TRAPPC8: variants seen among roughly 807,000 people sequenced by gnomAD.
TRAPPC8 encodes general sporulation gene 1 homolog.
Under a neutral mutation model 174.3 loss-of-function variants are expected in TRAPPC8, and 54 were observed. The ratio of observed to expected loss-of-function variants is 0.31; its 90% CI spans 0.25 to 0.39. The LOEUF is 0.39. Ranked by LOEUF, TRAPPC8 falls within the 10% of genes least tolerant of loss-of-function variation. TRAPPC8 has a pLI of 1.00. For missense variants in TRAPPC8, 1,531 were observed against 1,699.1 expected (o/e 0.90, Z 1.74); for synonymous variants, 630 against 579.9 (o/e 1.09, Z -1.24).
intron 12 of TRAPPC8, among the ~76,000 whole-genome samples, chr18:31,885,722 G>T (rs1287821792): frequency 6.6e-6 from 1 of 151,656 alleles, no homozygotes; most frequent in African/African-American, 2.4e-5. Context: ...AATTAGCCAG[G>T]CGTGGTGCAT....
chr18:31,861,176 G>T (rs945724780), intron 19 of TRAPPC8, among the ~76,000 whole-genome samples: 11 of 152,130 alleles, frequency 7.2e-5, no homozygotes, highest in African/African-American at 2.7e-4. Context: ...TTAAATTAAG[G>T]TAAAATGTTT....
intron 2 of TRAPPC8, among the ~76,000 whole-genome samples, chr18:31,923,498 CA>C (rs1965700933): frequency 6.6e-6 from 1 of 152,020 alleles, no homozygotes; most frequent in Non-Finnish European, 1.5e-5. Flanking sequence ...ATTTCTTTAA[CA>C]GAATGAATGA....
At position 31,830,576 on chromosome 18, in the gene TRAPPC8, AATGTT is replaced by A; in HGVS notation, c.*174_*178del. ...AGGGTTTAAAGAAATACAGAAAAAGAATGTTAAGTATTCTCAGTCCAACGTGCTTT... is the reference window on the plus strand; with the variant it reads ...AGGGTTTAAAGAAATACAGAAAAAGAAAGTATTCTCAGTCCAACGTGCTTT... On this transcript the variant is annotated 3_prime_UTR_variant, in exon 29 of 29. Transcript: ENST00000283351. 1.7e-6 allele frequency: 1 copy of A among 581,712 alleles called. No individual in the cohort carries two copies. Among genetic ancestry groups the A allele is most frequent in the Non-Finnish European group, 3.0e-6 (1 of 330,392 alleles). The allele number at this position is 581,712 out of a possible 1,614,324, so 36.0% of individuals were successfully genotyped here. A position where few individuals can be genotyped will look rare whatever the true frequency, so the allele number is the denominator to read the frequency against.
chr18:31,929,399 C>G (rs886810807), intron 2 of TRAPPC8, among the ~76,000 whole-genome samples: 69 of 152,062 alleles, frequency 4.5e-4, no homozygotes, highest in Middle Eastern at 3.4e-3. Flanking sequence ...TGGTGGTGTG[C>G]AGCTATAGTC....
intron 1 of TRAPPC8, among the ~76,000 whole-genome samples, chr18:31,934,027 A>G (rs1370723220): frequency 1.3e-5 from 2 of 151,902 alleles, no homozygotes; most frequent in African/African-American, 2.4e-5. Context: ...CATCTCTACT[A>G]AAATACAAAA....
intron 27 of TRAPPC8, among the ~76,000 whole-genome samples, chr18:31,835,725 G>GT (rs1192093151): frequency 1.3e-5 from 2 of 152,142 alleles, no homozygotes; most frequent in Admixed American, 1.3e-4. Context: ...CTGCTTAGCA[G>GT]TTATTCACTC....
Position 31,908,786 on chromosome 18 carries a change from T to C in TRAPPC8, c.1090A>G (p.Ile364Val), listed in dbSNP as rs762090939. ...EFTFRGLLPH[I>V]EKTIRQLNDQ... ...TTTAATTGCCTAATTGTTTTCTCTA[T>C]ATGTGGCAAAAGGCCCCGAAATGTG... The change falls in exon 7 of 29, where the codon ATA becomes GTA. Residue 364 changes from isoleucine to valine, a missense_variant. Coordinates refer to ENST00000283351, the MANE Select transcript of TRAPPC8 (RefSeq NM_014939.5). 3.7e-5 allele frequency: 59 copies of C among 1,611,110 alleles called. No homozygotes were observed. Among genetic ancestry groups the C allele is most frequent in the Middle Eastern group, 1.6e-4 (1 of 6,068 alleles).
At chr18:31,843,121 T>C (rs920590617) in intron 26 of TRAPPC8, among the ~76,000 whole-genome samples, 8 of 152,194 alleles carry the variant, frequency 5.3e-5, no homozygotes, top group African/African-American at 1.9e-4. Context: ...TCTAAAACAC[T>C]TTACACTTAA....
chr18:31,908,256 CAGAGAGTT>C, intron 8 of TRAPPC8, 39 bp downstream of exon 8: 1 of 1,190,728 alleles, frequency 8.4e-7, no homozygotes, highest in Non-Finnish European at 1.2e-6. Context: ...AAACACTAGT[CAGAGAGTT>C]AAACAGAGGA....
intron 4 of TRAPPC8, among the ~76,000 whole-genome samples, chr18:31,914,104 C>A (rs1302460962): frequency 1.4e-5 from 2 of 146,502 alleles, no homozygotes; most frequent in Admixed American, 6.9e-5. Context: ...TGCACTCTAG[C>A]CTAGGCAACA....
rs776280514 is a variant in TRAPPC8, at chr18:31,897,795, C to T, written c.1587G>A (p.Leu529=). The T allele has an allele frequency of 1.9e-6, 3 of 1,599,394 alleles. No individual in the cohort carries two copies. Among genetic ancestry groups the T allele is most frequent in the Non-Finnish European group, 2.6e-6 (3 of 1,171,704 alleles). Residue 529 remains leucine, a synonymous_variant, in exon 11 of 29, where the codon TTG becomes TTA. Coordinates refer to ENST00000283351, the MANE Select transcript of TRAPPC8 (RefSeq NM_014939.5). ...YSEAAALLIR[L]TSEDSDLRSA... ...TACACAGTTTCAGTACCTCACTGGTCAACCGTATTAGGAGAGCTGCAGCCT... is the reference window on the plus strand; with the variant it reads ...TACACAGTTTCAGTACCTCACTGGTTAACCGTATTAGGAGAGCTGCAGCCT...
At chr18:31,839,611 T>C (rs968772590) in intron 26 of TRAPPC8, among the ~76,000 whole-genome samples, 154 bp from the exon 27 acceptor site, 1 of 152,186 alleles carries the variant, frequency 6.6e-6, no homozygotes, top group Non-Finnish European at 1.5e-5. Context: ...GCTGCTATCA[T>C]TTGCAGTGTA....
At chr18:31,910,439 T>G (rs2036857301) in intron 5 of TRAPPC8, among the ~76,000 whole-genome samples, 1 of 151,914 alleles carries the variant, frequency 6.6e-6, no homozygotes, top group Non-Finnish European at 1.5e-5. Context: ...TGAGAAAGAG[T>G]TGCAGAAACT....
At chr18:31,865,976 C>G (rs1238687771) in intron 18 of TRAPPC8, among the ~76,000 whole-genome samples, 1 of 151,258 alleles carries the variant, frequency 6.6e-6, no homozygotes, top group African/African-American at 2.4e-5. Flanking sequence ...ACTTATTTTT[C>G]TTAAATGGTG....
At chr18:31,833,796 G>C (rs933177081) in intron 27 of TRAPPC8, among the ~76,000 whole-genome samples, 3 of 151,942 alleles carry the variant, frequency 2.0e-5, no homozygotes, top group Non-Finnish European at 4.4e-5. Flanking sequence ...AAGGTCAGGA[G>C]ATCAAGATCA....
At position 31,874,536 on chromosome 18, in the gene TRAPPC8, T is replaced by C. The variant is rs774762498; in HGVS notation, c.1897A>G (p.Lys633Glu). Reference sequence around the variant, plus strand: ...GCCCCCTGTTGAGCAGCAGATTGTTTACTTTCATTAATTAGAATATGCCTA... The same window carrying C: ...GCCCCCTGTTGAGCAGCAGATTGTTCACTTTCATTAATTAGAATATGCCTA... ...AFRHILINES[K>E]QSAAQQGAFL... Residue 633 changes from lysine to glutamate, a missense_variant, in exon 13 of 29, where the codon AAA becomes GAA. By Grantham distance (56) the Lys-to-Glu change is moderately conservative (BLOSUM62 1). Coordinates refer to ENST00000283351, the MANE Select transcript of TRAPPC8 (RefSeq NM_014939.5). 1.9e-6 allele frequency: 3 copies of C among 1,614,148 alleles called. No homozygotes were observed. The highest frequency in any genetic ancestry group is 2.2e-5 in the South Asian group (2 of 91,084).
intron 2 of TRAPPC8, among the ~76,000 whole-genome samples, chr18:31,930,807 A>C (rs570266655): frequency 6.6e-6 from 1 of 151,944 alleles, no homozygotes; most frequent in Non-Finnish European, 1.5e-5. Context: ...CAGGAGGATC[A>C]CTTGAGGTCA....
chr18:31,848,889 CTAA>C (rs1456426639), intron 25 of TRAPPC8, among the ~76,000 whole-genome samples: 2 of 152,112 alleles, frequency 1.3e-5, no homozygotes, highest in African/African-American at 2.4e-5. Flanking sequence ...TTAGGGAATA[CTAA>C]TGTCTAAATA....
At chr18:31,922,336 T>C (rs1347695179) in intron 2 of TRAPPC8, among the ~76,000 whole-genome samples, 1 of 152,232 alleles carries the variant, frequency 6.6e-6, no homozygotes, top group Admixed American at 6.5e-5. Flanking sequence ...CTCATGCCTG[T>C]AATCCCAGCA....
Sources: gnomAD v4.1 joint callset for allele counts (sites outside exome capture counted in the v4.1 genomes callset) on GRCh38, gnomAD v4.1.1 for gene constraint, MANE v1.5 for transcripts, NCBI Gene and HGNC (gene_info 2026-07-23, HGNC 2026-07-21) for gene names.